Variants in CHD4 observed in about 807,000 individuals in gnomAD.
CHD4 encodes the protein chromodomain helicase DNA binding protein 4.
In CHD4, 35 loss-of-function variants were observed where a neutral mutation model predicts 235.5. The observed-to-expected ratio is 0.15, with a 90% CI of 0.11 to 0.20. The LOEUF (loss-of-function observed/expected upper bound fraction) is 0.20, where lower values mean the gene tolerates loss of function less well. CHD4 is among the 10% of genes least tolerant of loss of function. CHD4 has a pLI of 1.00. For missense variants in CHD4, 1,329 were observed against 2,432.3 expected (o/e 0.55, Z 9.54); for synonymous variants, 900 against 850.2 (o/e 1.06, Z -1.02).
At chr12:6,605,054 C>T (rs1472208919) in intron 2 of CHD4, among the ~76,000 whole-genome samples, 3 of 152,324 alleles carry the variant, frequency 2.0e-5, no homozygotes, top group Non-Finnish European at 1.5e-5. Context: ...ACAGCCCAGA[C>T]TCCATGACAA....
chr12:6,581,877 C>T, intron 30 of CHD4, 63 bp from the exon 31 acceptor site: 8 of 1,481,072 alleles, frequency 5.4e-6, no homozygotes, highest in Non-Finnish European at 7.2e-6. Flanking sequence ...TCCTATTGGC[C>T]TTCCAGTCTC....
rs2136201951 is a variant in CHD4 at position 6,581,689 on chromosome 12, C to T, written c.4641G>A (p.Gly1547=). Residue 1547 remains glycine (G), a synonymous_variant, in exon 31 of 40, where the codon GGG becomes GGA. Transcript: ENST00000544040. ...GTGCAGGAGTGTTGGGCTGCGTGTC[C>T]CCTGGAGTGGAGGGTGTAGGAGTTT... ...SPKTPTPSTP[G]DTQPNTPAPV... 6.2e-7 allele frequency: 1 copy of T among 1,610,728 alleles called. No individual in the cohort carries two copies. The highest frequency in any genetic ancestry group is 8.5e-7 in the Non-Finnish European group (1 of 1,178,048).
chr12:6,604,340 A>G (rs994106596), intron 2 of CHD4, among the ~76,000 whole-genome samples: 4 of 152,052 alleles, frequency 2.6e-5, no homozygotes, highest in Non-Finnish European at 4.4e-5. Context: ...TAACCCCCAA[A>G]ATTAGCCCTA....
chr12:6,593,356 G>A lies in CHD4; in HGVS notation c.2514+60C>T, dbSNP rs532142257. ...CTCACCAGGGACCAGATCACAAGGA[G>A]GTAAACTAAGCCAGAAGCCACAACT... On this transcript the variant is annotated intron_variant, in intron 16 of 39. Coordinates refer to ENST00000544040, the MANE Select transcript of CHD4 (RefSeq NM_001273.5). The surrounding 1 kb of genome is among the most constrained non-coding windows in gnomAD (Gnocchi z 4.9). The A allele has an allele frequency of 2.3e-5, 37 of 1,601,994 alleles. No homozygotes were observed. In the African/African-American group the frequency reaches 4.5e-4, roughly 20 times the overall value.
chr12:6,581,679 G>A lies in CHD4; in HGVS notation c.4651C>T (p.Pro1551Ser), dbSNP rs2136201915. The A allele has an allele frequency of 6.2e-7, 1 of 1,611,712 alleles. No individual in the cohort carries two copies. Among genetic ancestry groups the A allele is most frequent in the Non-Finnish European group, 8.5e-7 (1 of 1,178,388 alleles). The change falls in exon 31 of 40, where the codon CCC becomes TCC. Residue 1551 changes from proline to serine, a missense_variant. This residue lies in a region of CHD4 where 219 missense variants were observed against 219.3 expected (regional missense o/e 1.00). Coordinates refer to ENST00000544040, the MANE Select transcript of CHD4 (RefSeq NM_001273.5). ...PTPSTPGDTQ[P>S]NTPAPVPPAE... ...GGTGGGACAGGTGCAGGAGTGTTGG[G>A]CTGCGTGTCCCCTGGAGTGGAGGGT...
rs890519641 is a variant in CHD4, at chr12:6,593,964, T to C, written c.2314-348A>G. Reference sequence around the variant, plus strand: ...GATTCTCCTGCCTCAGCCTCCCAAGTAGCTGGGATTACAGGCGTGCACCAC... The same window carrying C: ...GATTCTCCTGCCTCAGCCTCCCAAGCAGCTGGGATTACAGGCGTGCACCAC... On this transcript the variant is annotated intron_variant, in intron 15 of 39. Transcript: ENST00000544040. The surrounding 1 kb of genome is among the most constrained non-coding windows in gnomAD (Gnocchi z 4.9). 2.0e-5 allele frequency among the ~76,000 whole-genome samples: 3 copies of C among 152,102 alleles called. No individual in the cohort carries two copies. Among genetic ancestry groups the C allele is most frequent in the Non-Finnish European group, 4.4e-5 (3 of 68,020 alleles).
intron 12 of CHD4, among the ~76,000 whole-genome samples, chr12:6,596,671 G>A (rs539881781): frequency 6.6e-6 from 1 of 151,798 alleles, no homozygotes; most frequent in South Asian, 2.1e-4. Context: ...ATGGTGGCAG[G>A]TGCCTGTAAT....
chr12:6,602,818 CAAGT>C (rs1424194178), intron 2 of CHD4: 3 of 219,540 alleles, frequency 1.4e-5, no homozygotes, highest in Non-Finnish European at 1.8e-5. Flanking sequence ...CAGAGTTCAC[CAAGT>C]AAGAGAACTA....
intron 12 of CHD4, among the ~76,000 whole-genome samples, chr12:6,596,547 C>T (rs1365447806): frequency 6.6e-6 from 1 of 151,922 alleles, no homozygotes; most frequent in Non-Finnish European, 1.5e-5. Flanking sequence ...CGCCTATAAT[C>T]CCAGCACTTT....
Position 6,596,052 on chromosome 12 carries a change from C to T in CHD4, c.1978G>A (p.Glu660Lys). ...DQASWESEDV[E>K]IQDYDLFKQS... is the part of the protein sequence containing the mutation. ...TTGAACAGGTCGTAATCCTGGATCT[C>T]CACATCCTCACTCTCCCAAGAAGCC... Residue 660 changes from glutamate to lysine, a missense_variant, in exon 13 of 40, where the codon GAG becomes AAG. Glu to Lys is a moderately conservative substitution (Grantham distance 56, BLOSUM62 1). Transcript: ENST00000544040. 6.2e-7 allele frequency: 1 copy of T among 1,613,944 alleles called. No homozygotes were observed.
At chr12:6,575,200 C>T (rs1205881296) in intron 37 of CHD4, among the ~76,000 whole-genome samples, 4 of 152,238 alleles carry the variant, frequency 2.6e-5, no homozygotes, top group East Asian at 3.9e-4. Flanking sequence ...GTAATCCCAG[C>T]ACTTTGGGAG....
In CHD4 at chr12:6,593,051, C is replaced by A. The variant is rs1257181666; in HGVS notation, c.2652+40G>T. The A allele has an allele frequency of 1.9e-6, 3 of 1,607,894 alleles. No individual in the cohort carries two copies. The highest frequency in any genetic ancestry group is 1.3e-5 in the African/African-American group (1 of 74,760). On this transcript the variant is annotated intron_variant, in intron 17 of 39. Coordinates refer to ENST00000544040, the MANE Select transcript of CHD4 (RefSeq NM_001273.5). The surrounding 1 kb of genome is among the most constrained non-coding windows in gnomAD (Gnocchi z 4.9). ...AATGAATTGGTAGTACTAGAAAAAA[C>A]CCAAAGTGGGGGCTCCAACATCCCT...
Position 6,582,887 on chromosome 12 carries a change from T to C in CHD4, c.4197A>G (p.Pro1399=). Residue 1399 remains proline (P), a synonymous_variant, in exon 28 of 40, where the codon CCA becomes CCG. Transcript: ENST00000544040. ...RKGLRNDKDK[P]LPPLLARVGG... is the part of the protein sequence containing the mutation. ...CAACACGGGCCAACAGAGGAGGCAA[T>C]GGCTTATCTTTATCATTCCGCAGGC... The C allele has an allele frequency of 6.2e-7, 1 of 1,613,964 alleles. No individual in the cohort carries two copies. The highest frequency in any genetic ancestry group is 8.5e-7 in the Non-Finnish European group (1 of 1,180,024).
At chr12:6,586,411 A>C (rs1011315342) in intron 25 of CHD4, among the ~76,000 whole-genome samples, 5 of 151,552 alleles carry the variant, frequency 3.3e-5, no homozygotes, top group Non-Finnish European at 5.9e-5. Context: ...AAAATAAATA[A>C]ATAAATACAT....
intron 2 of CHD4, 63 bp downstream of exon 2, chr12:6,606,208 AGAG>A (rs1948694506): frequency 1.8e-6 from 2 of 1,096,002 alleles, no homozygotes; most frequent in African/African-American, 1.6e-5. Flanking sequence ...CTGCCTCACC[AGAG>A]GAGTCACTCG....
At chr12:6,581,560 C>T in intron 31 of CHD4, 89 bp downstream of exon 31, 1 of 1,588,010 alleles carries the variant, frequency 6.3e-7, no homozygotes, top group South Asian at 1.1e-5. Flanking sequence ...TCCTGCCAGA[C>T]TACCCTGTTA....
chr12:6,592,342 G>A, intron 19 of CHD4, 51 bp downstream of exon 19: 1 of 1,531,886 alleles, frequency 6.5e-7, no homozygotes, highest in Non-Finnish European at 8.8e-7. Flanking sequence ...GAAACACTCT[G>A]CAGACTGGCA....
intron 25 of CHD4, among the ~76,000 whole-genome samples, chr12:6,585,143 A>T (rs1334404164): frequency 1.3e-5 from 2 of 152,178 alleles, no homozygotes; most frequent in Non-Finnish European, 2.9e-5. Context: ...AGAAAAAGGA[A>T]ATTTTATTTT....
rs1244778659 is a variant in CHD4, at chr12:6,570,286, C to T, written c.*390G>A. On this transcript the variant is annotated 3_prime_UTR_variant, in exon 40 of 40. Transcript: ENST00000544040. The stretch of plus-strand genomic sequence containing the variant: ...GGGGCCCAGCCCACTCTGAATACCC[C>T]CCAAAAAGGAGAAAAGAAAACACAA... 1 of 215,490 alleles carries T rather than the reference C, an allele frequency of 4.6e-6. No individual in the cohort carries two copies. The highest frequency in any genetic ancestry group is 9.3e-6 in the Non-Finnish European group (1 of 107,860). 13.3% of individuals were successfully genotyped at this position (215,490 alleles called of 1,614,324 possible). A position where few individuals can be genotyped will look rare whatever the true frequency, so the allele number is the denominator to read the frequency against.
Sources: gnomAD v4.1 joint callset for allele counts (sites outside exome capture counted in the v4.1 genomes callset) on GRCh38, gnomAD v4.1.1 for gene constraint, gnomAD v4.1.1 regional missense constraint, Gnocchi (gnomAD v3.1) non-coding constraint, MANE v1.5 for transcripts, NCBI Gene and HGNC (gene_info 2026-07-23, HGNC 2026-07-21) for gene names.